Variants in MED12L observed in about 807,000 individuals in gnomAD.
MED12L encodes the protein mediator complex subunit 12L, also known as mediator of RNA polymerase II transcription subunit 12-like protein.
A neutral mutation model predicts 281.3 loss-of-function variants in MED12L; 60 were observed. That is an observed-to-expected ratio of 0.21 (90% confidence interval 0.17 to 0.26). MED12L has a LOEUF of 0.26. MED12L is among the 10% of genes least tolerant of loss of function. The pLI, the probability that MED12L is intolerant of heterozygous loss-of-function variation, is 1.00. For missense variants in MED12L, 2,146 were observed against 2,680.9 expected (o/e 0.80, Z 4.41); for synonymous variants, 974 against 987.2 (o/e 0.99, Z 0.25).
At chr3:151,306,480 A>G (rs1221522332) in intron 16 of MED12L, among the ~76,000 whole-genome samples, 1 of 152,210 alleles carries the variant, frequency 6.6e-6, no homozygotes, top group Admixed American at 6.5e-5. Context: ...GAGTAGTGGA[A>G]TAGGGACTTG....
rs1352519474 is a variant in MED12L, at chr3:151,152,049, C to T, written c.557-4112C>T. ...TTAATTCCTAGCTAAGGAGTTTGTCCTTAATTCATTAAGAATTGTGGATCA... is the reference window on the plus strand; with the variant it reads ...TTAATTCCTAGCTAAGGAGTTTGTCTTTAATTCATTAAGAATTGTGGATCA... On this transcript the variant is annotated intron_variant, in intron 5 of 44. Transcript: ENST00000687756. Among the ~76,000 whole-genome samples the T allele has an allele frequency of 2.2e-5, 3 of 137,466 alleles. No individual in the cohort carries two copies. The East Asian group carries it at 6.7e-4, about 31-fold the overall frequency. 90.2% of individuals were successfully genotyped at this position (137,466 alleles called of 152,430 possible).
At position 151,165,999 on chromosome 3, in the gene MED12L, T is replaced by TA. The variant is rs398040184; in HGVS notation, c.1494+19dup. On this transcript the variant is annotated intron_variant, in intron 11 of 44. Coordinates refer to ENST00000687756, the MANE Select transcript of MED12L (RefSeq NM_001393769.1). Reference sequence around the variant, plus strand: ...AACCAAGAGGTAGTTAATTTTTTTTTAATTCTTTTCACCTTTTATTTTCAT... The same window carrying TA: ...AACCAAGAGGTAGTTAATTTTTTTTTAAATTCTTTTCACCTTTTATTTTCAT... 3 of 1,585,802 alleles carry TA rather than the reference T, an allele frequency of 1.9e-6. No homozygotes were observed. Among genetic ancestry groups the TA allele is most frequent in the Non-Finnish European group, 1.7e-6 (2 of 1,166,900 alleles).
At chr3:151,210,308 A>G (rs563085089) in intron 16 of MED12L, among the ~76,000 whole-genome samples, 1 of 152,356 alleles carries the variant, frequency 6.6e-6, no homozygotes, top group South Asian at 2.1e-4. Flanking sequence ...GGTTGAGAAC[A>G]GGACAGAATG....
intron 16 of MED12L, among the ~76,000 whole-genome samples, chr3:151,264,192 A>G (rs1739418373): frequency 6.6e-6 from 1 of 152,162 alleles, no homozygotes; most frequent in Non-Finnish European, 1.5e-5. Context: ...TCCCTCCCAC[A>G]TTCCCCTAAA....
intron 16 of MED12L, among the ~76,000 whole-genome samples, chr3:151,222,168 C>G (rs1382125002): frequency 6.6e-6 from 1 of 152,166 alleles, no homozygotes; most frequent in Non-Finnish European, 1.5e-5. Context: ...TTACCCAATG[C>G]CTGTACTGCA....
intron 39 of MED12L, among the ~76,000 whole-genome samples, chr3:151,404,446 G>T (rs1716056381): frequency 6.6e-6 from 1 of 152,162 alleles, no homozygotes; most frequent in Admixed American, 6.5e-5. Flanking sequence ...TAGCCAACAA[G>T]ACCTCTTATA....
intron 16 of MED12L, among the ~76,000 whole-genome samples, chr3:151,347,812 G>A (rs191944415): frequency 2.0e-4 from 31 of 152,260 alleles, no homozygotes; most frequent in Admixed American, 8.5e-4. Flanking sequence ...ACAAGGAAGC[G>A]ATGTTACCCC....
intron 19 of MED12L, among the ~76,000 whole-genome samples, chr3:151,356,782 C>T (rs1753980869): frequency 6.6e-6 from 1 of 152,136 alleles, no homozygotes; most frequent in African/African-American, 2.4e-5. Context: ...TTCTTATGCA[C>T]ATTTGAGTTC....
At chr3:151,212,620 T>G (rs899673788) in intron 16 of MED12L, 2 of 152,126 alleles carry the variant, frequency 1.3e-5, no homozygotes, top group African/African-American at 4.8e-5. Context: ...TTAAATGACG[T>G]AAGTCTTTGT....
chr3:151,155,979 C>T (rs529250092), intron 5 of MED12L, among the ~76,000 whole-genome samples, 182 bp from the exon 6 acceptor site: 1 of 152,278 alleles, frequency 6.6e-6, no homozygotes, highest in South Asian at 2.1e-4. Context: ...AGCATGCGTT[C>T]TCTAAGGGCT....
At chr3:151,151,267 G>A (rs1007169961) in intron 5 of MED12L, among the ~76,000 whole-genome samples, 3 of 151,798 alleles carry the variant, frequency 2.0e-5, no homozygotes, top group African/African-American at 7.3e-5. Context: ...TCCATCTCCT[G>A]ACCACGTGAT....
At chr3:151,192,720 G>C (rs138505014) in intron 15 of MED12L, 66 bp downstream of exon 15, 2 of 975,832 alleles carry the variant, frequency 2.0e-6, no homozygotes, top group Non-Finnish European at 3.1e-6. Context: ...AGCCTGTCTC[G>C]ATCCTTCTGT....
intron 11 of MED12L, among the ~76,000 whole-genome samples, chr3:151,178,177 A>G (rs1263933928): frequency 6.6e-6 from 1 of 151,124 alleles, no homozygotes; most frequent in Non-Finnish European, 1.5e-5. Context: ...AAAAAAAAAA[A>G]AAAAAAAGAA....
At chr3:151,237,600 C>T (rs996152633) in intron 16 of MED12L, among the ~76,000 whole-genome samples, 2 of 152,042 alleles carry the variant, frequency 1.3e-5, no homozygotes, top group Admixed American at 6.6e-5. Flanking sequence ...ATCTGCCCGC[C>T]TCGGCCTCCC....
Position 151,384,123 on chromosome 3 carries a change from A to G in MED12L, c.4831A>G (p.Ile1611Val), listed in dbSNP as rs752991630. ...TTVLDMLGVL[I>V]NGTLASDLSN... is the part of the protein sequence containing the mutation. ...AGTTCTTGACATGCTGGGTGTTTTA[A>G]TCAATGGAACGTTAGCCTCTGACCT... The change falls in exon 35 of 45, where the codon ATC becomes GTC. Residue 1611 changes from isoleucine (I) to valine (V), a missense_variant. Physicochemically the swap from Ile to Val is conservative, Grantham distance 29. This residue lies in a region of MED12L where 212 missense variants were observed against 340.8 expected (regional missense o/e 0.62). Coordinates refer to ENST00000687756, the MANE Select transcript of MED12L (RefSeq NM_001393769.1). 1.9e-6 allele frequency: 3 copies of G among 1,614,058 alleles called. No homozygotes were observed. The highest frequency in any genetic ancestry group is 2.2e-5 in the East Asian group (1 of 44,856).
chr3:151,217,024 C>G (rs1728373397), intron 16 of MED12L, among the ~76,000 whole-genome samples: 1 of 152,098 alleles, frequency 6.6e-6, no homozygotes, highest in Admixed American at 6.6e-5. Flanking sequence ...ATGGTAGGTA[C>G]TGAGTACTTG....
intron 5 of MED12L, among the ~76,000 whole-genome samples, chr3:151,148,993 A>G (rs1369468711): frequency 6.6e-6 from 1 of 152,116 alleles, no homozygotes; most frequent in Non-Finnish European, 1.5e-5. Flanking sequence ...CATGTTTGAA[A>G]CCTTTTAGGT....
At chr3:151,246,469 T>C (rs1478919099) in intron 16 of MED12L, among the ~76,000 whole-genome samples, 2 of 151,998 alleles carry the variant, frequency 1.3e-5, no homozygotes, top group East Asian at 3.9e-4. Context: ...TAACGCCGCA[T>C]ATCTACAACT....
Position 151,298,588 on chromosome 3 carries a change from C to T in MED12L, c.2251-51471C>T, listed in dbSNP as rs376759017. Among the ~76,000 whole-genome samples, 3 of 152,106 alleles carry T rather than the reference C, an allele frequency of 2.0e-5. No individual in the cohort carries two copies. The East Asian group carries it at 5.8e-4, about 29-fold the overall frequency. ...CTCATTCCAATTCCTTTTAAATTAA[C>T]AAATGCAGTGACATAACTCAGTTTA... On this transcript the variant is annotated intron_variant, in intron 16 of 44. Coordinates refer to ENST00000687756, the MANE Select transcript of MED12L (RefSeq NM_001393769.1).
Sources: gnomAD v4.1 joint callset for allele counts (sites outside exome capture counted in the v4.1 genomes callset) on GRCh38, gnomAD v4.1.1 for gene constraint, gnomAD v4.1.1 regional missense constraint, MANE v1.5 for transcripts, NCBI Gene and HGNC (gene_info 2026-07-23, HGNC 2026-07-21) for gene names.